Variants in MAGI2 observed in about 807,000 individuals in gnomAD.
The protein encoded by MAGI2 is membrane associated guanylate kinase, WW and PDZ domain containing 2.
MAGI2 carries 35 observed loss-of-function variants against 133.3 expected under a neutral mutation model. The ratio of observed to expected loss-of-function variants is 0.26; its 90% confidence interval spans 0.20 to 0.35. MAGI2 has a LOEUF of 0.35. Among genes scored for constraint, MAGI2 ranks in the 10% least tolerant of loss-of-function variants. The pLI is 1.00. For missense variants in MAGI2, 1,636 were observed against 1,863.4 expected (o/e 0.88, Z 2.25); for synonymous variants, 729 against 710.6 (o/e 1.03, Z -0.41).
chr7:78,435,927 A>G (rs1449278765), intron 6 of MAGI2, among the ~76,000 whole-genome samples: 1 of 152,204 alleles, frequency 6.6e-6, no homozygotes, highest in African/African-American at 2.4e-5. Flanking sequence ...TACTTTCCTC[A>G]AGGGTTTTGC....
chr7:78,769,425 T>TA (rs1182621200), intron 2 of MAGI2, among the ~76,000 whole-genome samples: 1 of 152,112 alleles, frequency 6.6e-6, no homozygotes, highest in Admixed American at 6.6e-5. Flanking sequence ...AATGGAAACC[T>TA]ATGATTGCCA....
intron 2 of MAGI2, among the ~76,000 whole-genome samples, chr7:78,659,234 A>G (rs1401831888): frequency 6.6e-6 from 1 of 151,926 alleles, no homozygotes; most frequent in Admixed American, 6.6e-5. Context: ...GCGGATCACG[A>G]GGTCAGGAGA....
chr7:78,366,812 C>G (rs1297890130), intron 7 of MAGI2, among the ~76,000 whole-genome samples: 1 of 151,808 alleles, frequency 6.6e-6, no homozygotes, highest in East Asian at 1.9e-4. Flanking sequence ...CCTGCTACAC[C>G]CACACACCTA....
chr7:78,908,435 T>C (rs918285), intron 2 of MAGI2, among the ~76,000 whole-genome samples: 11,985 of 152,288 alleles, frequency 0.079, 624 homozygotes, highest in South Asian at 0.18. Flanking sequence ...CAGAAAGATT[T>C]ATTTAGTTTT....
At chr7:79,241,447 C>A (rs982913145) in intron 1 of MAGI2, among the ~76,000 whole-genome samples, 1 of 152,038 alleles carries the variant, frequency 6.6e-6, no homozygotes, top group Non-Finnish European at 1.5e-5. Context: ...GCCAAGTTAA[C>A]CACAGGAGGA....
chr7:78,211,353 G>A (rs1303876703), intron 10 of MAGI2, among the ~76,000 whole-genome samples: 3 of 152,258 alleles, frequency 2.0e-5, no homozygotes, highest in East Asian at 3.9e-4. Flanking sequence ...GATAGAAACA[G>A]GAACACAATT....
chr7:78,569,148 G>T (rs575410612), intron 3 of MAGI2, among the ~76,000 whole-genome samples: 2 of 122,504 alleles, frequency 1.6e-5, no homozygotes, highest in South Asian at 4.8e-4. Flanking sequence ...ACACACACAC[G>T]TCACTATTCC....
At chr7:79,034,172 C>A (rs10226562) in intron 1 of MAGI2, among the ~76,000 whole-genome samples, 11 of 152,184 alleles carry the variant, frequency 7.2e-5, no homozygotes, top group African/African-American at 2.7e-4. Flanking sequence ...GTGCATGGAG[C>A]TGTCACAGGA....
chr7:78,925,017 C>T (rs1230632811), intron 2 of MAGI2, among the ~76,000 whole-genome samples: 1 of 151,870 alleles, frequency 6.6e-6, no homozygotes, highest in East Asian at 1.9e-4. Flanking sequence ...GTGATTTGGC[C>T]ACTGAAATTA....
chr7:79,193,879 TA>T (rs1193033607), intron 1 of MAGI2, among the ~76,000 whole-genome samples: 1 of 151,852 alleles, frequency 6.6e-6, no homozygotes, highest in Non-Finnish European at 1.5e-5. Flanking sequence ...AAAGAGAGGA[TA>T]TGGGAAGAAG....
intron 2 of MAGI2, among the ~76,000 whole-genome samples, chr7:78,923,486 C>A (rs1285006803): frequency 6.6e-6 from 1 of 152,128 alleles, no homozygotes; most frequent in Admixed American, 6.6e-5. Context: ...TCAGGTTTGT[C>A]AAAGATCAGA....
intron 1 of MAGI2, among the ~76,000 whole-genome samples, chr7:79,399,067 C>T (rs1845263072): frequency 7.7e-6 from 1 of 130,024 alleles, no homozygotes; most frequent in Non-Finnish European, 1.6e-5. Flanking sequence ...CTTCAATTCA[C>T]TAGTATTATT....
At chr7:78,887,198 G>A (rs568545346) in intron 2 of MAGI2, among the ~76,000 whole-genome samples, 5 of 152,246 alleles carry the variant, frequency 3.3e-5, no homozygotes, top group South Asian at 2.1e-4. Flanking sequence ...GTATCTTAAC[G>A]ACCAAATCAG....
chr7:79,404,869 T>G (rs1291908873), intron 1 of MAGI2, among the ~76,000 whole-genome samples: 5 of 152,106 alleles, frequency 3.3e-5, no homozygotes, highest in Non-Finnish European at 5.9e-5. Context: ...AGGGGAACGT[T>G]CTTACCCATA....
intron 1 of MAGI2, among the ~76,000 whole-genome samples, chr7:79,118,108 C>G (rs1043671503): frequency 1.3e-5 from 2 of 152,174 alleles, no homozygotes; most frequent in Non-Finnish European, 2.9e-5. Context: ...CCATGAGTAC[C>G]AAACTCAGTT....
At chr7:78,764,493 T>C (rs766018568) in intron 2 of MAGI2, among the ~76,000 whole-genome samples, 1 of 152,208 alleles carries the variant, frequency 6.6e-6, no homozygotes, top group Non-Finnish European at 1.5e-5. Context: ...AAAGGAAATG[T>C]GAGTAGTATC....
At chr7:78,385,587 A>G (rs1267956317) in intron 6 of MAGI2, among the ~76,000 whole-genome samples, 1 of 152,192 alleles carries the variant, frequency 6.6e-6, no homozygotes, top group African/African-American at 2.4e-5. Context: ...CATTAAATTG[A>G]ATGTATATAG....
chr7:78,980,426 G>C (rs756688266), intron 2 of MAGI2, among the ~76,000 whole-genome samples: 5 of 151,836 alleles, frequency 3.3e-5, no homozygotes, highest in Non-Finnish European at 5.9e-5. Flanking sequence ...TACAGAGCAC[G>C]TACTTGGCCA....
chr7:79,038,361 A>G (rs1811311694), intron 1 of MAGI2, among the ~76,000 whole-genome samples: 1 of 152,108 alleles, frequency 6.6e-6, no homozygotes, highest in Non-Finnish European at 1.5e-5. Context: ...TGATGAGCTC[A>G]TGGATTACAA....
Sources: gnomAD v4.1 joint callset for allele counts (sites outside exome capture counted in the v4.1 genomes callset) on GRCh38, gnomAD v4.1.1 for gene constraint, MANE v1.5 for transcripts, NCBI Gene and HGNC (gene_info 2026-07-23, HGNC 2026-07-21) for gene names.